Variants in SCTR observed in about 807,000 individuals in gnomAD.
SCTR encodes the protein pancreatic secretin receptor.
In SCTR, 56 loss-of-function variants were observed where a neutral mutation model predicts 60.8. That is an observed-to-expected ratio of 0.92 (90% CI 0.74 to 1.15). The LOEUF is 1.15. SCTR is among the 50% of genes most tolerant of loss of function. The pLI is 0.00. For synonymous variants in SCTR, 202 were observed against 217.0 expected (o/e 0.93, Z 0.61); for missense variants, 562 against 550.4 (o/e 1.02, Z -0.21).
chr2:119,454,036 C>T (rs1227277556), intron 7 of SCTR, among the ~76,000 whole-genome samples: 1 of 151,996 alleles, frequency 6.6e-6, no homozygotes, highest in Non-Finnish European at 1.5e-5. Flanking sequence ...TGGTAAAAGC[C>T]CGTAAGGACA....
At chr2:119,519,675 G>A (rs1308455030) in intron 1 of SCTR, among the ~76,000 whole-genome samples, 2 of 151,776 alleles carry the variant, frequency 1.3e-5, no homozygotes, top group East Asian at 1.9e-4. Flanking sequence ...ACATTGTGGT[G>A]CATGCCTGTA....
chr2:119,467,657 C>CA (rs1347921769), intron 4 of SCTR, among the ~76,000 whole-genome samples: 8 of 151,834 alleles, frequency 5.3e-5, no homozygotes, highest in African/African-American at 9.7e-5. Context: ...AATTTAAAAG[C>CA]ATATTTATAC....
chr2:119,509,052 T>C (rs1262728536), intron 1 of SCTR, among the ~76,000 whole-genome samples: 1 of 152,212 alleles, frequency 6.6e-6, no homozygotes, highest in Non-Finnish European at 1.5e-5. Flanking sequence ...ACTCCTATCA[T>C]GGTGGGCGAG....
chr2:119,494,603 A>T (rs534060962), intron 1 of SCTR, 55 bp from the exon 2 acceptor site: 7 of 1,581,392 alleles, frequency 4.4e-6, no homozygotes, highest in Middle Eastern at 1.7e-4. Context: ...ATTTTGCCAC[A>T]TGGGGGAGAA....
intron 8 of SCTR, among the ~76,000 whole-genome samples, chr2:119,452,864 A>G (rs1033632058): frequency 1.3e-5 from 2 of 151,954 alleles, no homozygotes; most frequent in African/African-American, 4.8e-5. Flanking sequence ...GCTCACTGCC[A>G]CCCTCAATGC....
At chr2:119,492,576 A>G (rs1040381396) in intron 2 of SCTR, among the ~76,000 whole-genome samples, 2 of 152,340 alleles carry the variant, frequency 1.3e-5, no homozygotes, top group South Asian at 2.1e-4. Context: ...AACACTAACC[A>G]TTAACCATTT....
chr2:119,521,618 A>G (rs987904219), intron 1 of SCTR, among the ~76,000 whole-genome samples: 6 of 152,210 alleles, frequency 3.9e-5, no homozygotes, highest in African/African-American at 1.4e-4. Context: ...TTCACTTACA[A>G]GGGTCACTTC....
At chr2:119,477,964 G>C (rs1030925405) in intron 3 of SCTR, among the ~76,000 whole-genome samples, 2 of 152,220 alleles carry the variant, frequency 1.3e-5, no homozygotes, top group African/African-American at 4.8e-5. Flanking sequence ...ACACATGTGC[G>C]TATGTACAGC....
At chr2:119,502,921 G>T (rs1678600520) in intron 1 of SCTR, among the ~76,000 whole-genome samples, 1 of 151,638 alleles carries the variant, frequency 6.6e-6, no homozygotes, top group Non-Finnish European at 1.5e-5. Context: ...AGAGACCGAG[G>T]CAGGTAGATC....
At chr2:119,444,288 TAC>T (rs1423594255) in intron 11 of SCTR, among the ~76,000 whole-genome samples, 57 of 132,326 alleles carry the variant, frequency 4.3e-4, no homozygotes, top group African/African-American at 1.9e-3. Context: ...TATGAATATA[TAC>T]ACATATATAC....
At chr2:119,458,759 T>G (rs186428074) in intron 7 of SCTR, among the ~76,000 whole-genome samples, 1 of 152,324 alleles carries the variant, frequency 6.6e-6, no homozygotes, top group East Asian at 1.9e-4. Context: ...GTGTGGCCCC[T>G]GGACCAGCAG....
At chr2:119,462,078 C>T in intron 6 of SCTR, 78 bp from the exon 7 acceptor site, 1 of 1,443,050 alleles carries the variant, frequency 6.9e-7, no homozygotes, top group Non-Finnish European at 9.3e-7. Flanking sequence ...AAGGGAGCAA[C>T]AGGGTGTTGT....
At chr2:119,489,197 G>C (rs1678018373) in intron 2 of SCTR, among the ~76,000 whole-genome samples, 1 of 152,158 alleles carries the variant, frequency 6.6e-6, no homozygotes, top group African/African-American at 2.4e-5. Flanking sequence ...ACCCTGGAAA[G>C]CATCCCTCCA....
rs182970191 is a variant in SCTR, at chr2:119,501,750, C to T, written c.73-7202G>A. Among the ~76,000 whole-genome samples the T allele has an allele frequency of 9.9e-5, 15 of 151,838 alleles. No individual in the cohort carries two copies. In the East Asian group the frequency reaches 2.9e-3, roughly 29 times the overall value. ...ACAATTACCTCCAAAATATGTAAAA[C>T]TATGATACACCAATCAAAAAATACA... On this transcript the variant is annotated intron_variant, in intron 1 of 12. Coordinates refer to ENST00000019103, the MANE Select transcript of SCTR (RefSeq NM_002980.3).
intron 11 of SCTR, among the ~76,000 whole-genome samples, chr2:119,444,178 TACA>T (rs1682769865): frequency 1.4e-5 from 2 of 143,382 alleles, no homozygotes; most frequent in Admixed American, 1.4e-4. Context: ...TATGTATATA[TACA>T]TATGAATATA....
chr2:119,475,218 G>T (rs985695982), intron 3 of SCTR, among the ~76,000 whole-genome samples: 5 of 152,204 alleles, frequency 3.3e-5, no homozygotes, highest in Non-Finnish European at 5.9e-5. Context: ...GTTGTCAGAT[G>T]GGAAACAACG....
chr2:119,491,868 T>C (rs1678145758), intron 2 of SCTR, among the ~76,000 whole-genome samples: 1 of 152,158 alleles, frequency 6.6e-6, no homozygotes, highest in Non-Finnish European at 1.5e-5. Flanking sequence ...ATGGGGACAA[T>C]GGCAAAGGCT....
At position 119,519,716 on chromosome 2, in the gene SCTR, G is replaced by A. The variant is rs184864917; in HGVS notation, c.72+4439C>T. Among the ~76,000 whole-genome samples, 1,199 of 149,328 alleles carry A rather than the reference G, an allele frequency of 8.0e-3. 13 individuals carry two copies. The highest frequency in any genetic ancestry group is 0.038 in the Middle Eastern group (11 of 290). ...AGCTACTCAGGAGGCTGAGGCAGGA[G>A]AATCGCTTGAACCTGGGAGACGGAG... On this transcript the variant is annotated intron_variant, in intron 1 of 12. Coordinates refer to ENST00000019103, the MANE Select transcript of SCTR (RefSeq NM_002980.3).
chr2:119,499,773 C>G (rs1233385310), intron 1 of SCTR, among the ~76,000 whole-genome samples: 2 of 151,952 alleles, frequency 1.3e-5, no homozygotes, highest in Non-Finnish European at 1.5e-5. Context: ...CAGAGGGGAG[C>G]TTCTTCAACT....
Sources: gnomAD v4.1 joint callset for allele counts (sites outside exome capture counted in the v4.1 genomes callset) on GRCh38, gnomAD v4.1.1 for gene constraint, MANE v1.5 for transcripts, NCBI Gene and HGNC (gene_info 2026-07-23, HGNC 2026-07-21) for gene names.